CCSER1: variants seen among roughly 807,000 people sequenced by gnomAD.
CCSER1 encodes coiled-coil serine rich protein 1.
In CCSER1, 41 loss-of-function variants were observed where a neutral mutation model predicts 82.0. The observed-to-expected ratio is 0.50, with a 90% CI of 0.39 to 0.65. The LOEUF is 0.65. Among genes scored for constraint, CCSER1 ranks in the 30% least tolerant of loss-of-function variants. CCSER1 has a pLI of 0.00. For missense variants in CCSER1, 1,119 were observed against 1,064.2 expected (o/e 1.05, Z -0.72); for synonymous variants, 414 against 383.9 (o/e 1.08, Z -0.92).
chr4:90,748,108 C>T (rs1315053222), intron 7 of CCSER1, among the ~76,000 whole-genome samples: 3 of 144,368 alleles, frequency 2.1e-5, no homozygotes, highest in Non-Finnish European at 4.5e-5. Context: ...CATATGTATA[C>T]ATGTGCCATG....
chr4:90,845,219 T>C (rs1327500819), intron 8 of CCSER1, among the ~76,000 whole-genome samples: 1 of 151,842 alleles, frequency 6.6e-6, no homozygotes, highest in African/African-American at 2.4e-5. Flanking sequence ...AAAATTAGCC[T>C]GGCGTGGTGA....
At chr4:91,033,059 C>CAAA (rs142784918) in intron 9 of CCSER1, among the ~76,000 whole-genome samples, 4 of 148,940 alleles carry the variant, frequency 2.7e-5, no homozygotes, top group African/African-American at 9.8e-5. Context: ...TACAAATAAA[C>CAAA]AAAAAAAAAA....
At chr4:91,494,481 A>G (rs971546587) in intron 10 of CCSER1, among the ~76,000 whole-genome samples, 1 of 151,786 alleles carries the variant, frequency 6.6e-6, no homozygotes, top group Non-Finnish European at 1.5e-5. Context: ...TATCTGTTCT[A>G]TATTTTGCAT....
At chr4:90,520,599 T>G (rs1478986882) in intron 5 of CCSER1, among the ~76,000 whole-genome samples, 1 of 152,188 alleles carries the variant, frequency 6.6e-6, no homozygotes, top group Non-Finnish European at 1.5e-5. Context: ...TACATATGAA[T>G]GAATTAATCA....
intron 1 of CCSER1, among the ~76,000 whole-genome samples, chr4:90,130,025 A>G (rs1404694515): frequency 6.6e-6 from 1 of 152,216 alleles, no homozygotes; most frequent in Non-Finnish European, 1.5e-5. Flanking sequence ...GCAACTGTTT[A>G]TTATTTTAAA....
chr4:91,150,797 G>A (rs1387051009), intron 10 of CCSER1, among the ~76,000 whole-genome samples: 3 of 152,188 alleles, frequency 2.0e-5, no homozygotes, highest in East Asian at 1.9e-4. Flanking sequence ...TGTTGAACCA[G>A]CCTTGCATCT....
chr4:90,290,006 A>G (rs1034185864), intron 1 of CCSER1, among the ~76,000 whole-genome samples: 1 of 151,852 alleles, frequency 6.6e-6, no homozygotes, highest in Non-Finnish European at 1.5e-5. Flanking sequence ...TTTTATTAAT[A>G]CACATTAGGT....
intron 10 of CCSER1, among the ~76,000 whole-genome samples, chr4:91,495,051 A>C (rs1578614601): frequency 6.6e-6 from 1 of 151,620 alleles, no homozygotes; most frequent in Non-Finnish European, 1.5e-5. Flanking sequence ...AAATGTGGGG[A>C]GTTAAATTAA....
intron 6 of CCSER1, among the ~76,000 whole-genome samples, chr4:90,714,093 G>C (rs1164480332): frequency 4.0e-5 from 6 of 151,884 alleles, no homozygotes; most frequent in Non-Finnish European, 8.8e-5. Flanking sequence ...ATTCCTCTCT[G>C]TGAGTGCCAT....
chr4:90,710,456 GT>G (rs1481332649), intron 6 of CCSER1, among the ~76,000 whole-genome samples: 1 of 152,014 alleles, frequency 6.6e-6, no homozygotes, highest in Non-Finnish European at 1.5e-5. Context: ...AGCTTTTATA[GT>G]TTTGGGTTTT....
chr4:91,007,865 A>G (rs982140544), intron 9 of CCSER1, among the ~76,000 whole-genome samples: 3 of 152,042 alleles, frequency 2.0e-5, no homozygotes, highest in South Asian at 2.1e-4. Context: ...ATTTTTTGAC[A>G]TTGATGCTTG....
At chr4:90,182,752 A>G (rs1277911543) in intron 1 of CCSER1, among the ~76,000 whole-genome samples, 3 of 152,182 alleles carry the variant, frequency 2.0e-5, no homozygotes, top group African/African-American at 7.2e-5. Flanking sequence ...AGTAAATATT[A>G]CACCTAACAC....
intron 7 of CCSER1, among the ~76,000 whole-genome samples, chr4:90,805,991 A>G (rs1757446788): frequency 6.6e-6 from 1 of 152,166 alleles, no homozygotes; most frequent in South Asian, 2.1e-4. Flanking sequence ...CTCATTTGAG[A>G]GTAAGAGTTG....
intron 7 of CCSER1, among the ~76,000 whole-genome samples, chr4:90,793,084 T>A (rs139283169): frequency 6.6e-6 from 1 of 152,300 alleles, no homozygotes; most frequent in Non-Finnish European, 1.5e-5. Flanking sequence ...TAGAAGGTAA[T>A]GGAGATGTGT....
chr4:90,672,604 C>T (rs1733001741), intron 6 of CCSER1, among the ~76,000 whole-genome samples: 1 of 151,896 alleles, frequency 6.6e-6, no homozygotes. Flanking sequence ...TTTTAATTTC[C>T]TTCAGGAATG....
chr4:91,240,267 G>A (rs1243057424), intron 10 of CCSER1, among the ~76,000 whole-genome samples: 1 of 63,844 alleles, frequency 1.6e-5, no homozygotes, highest in African/African-American at 9.4e-5. Flanking sequence ...TAATAGAGAC[G>A]GGGTTTCCCT....
chr4:91,347,943 C>T (rs997003567), intron 10 of CCSER1, among the ~76,000 whole-genome samples: 4 of 151,500 alleles, frequency 2.6e-5, no homozygotes, highest in African/African-American at 4.8e-5. Flanking sequence ...TTTCTTCCTT[C>T]CCAATCTGTC....
intron 1 of CCSER1, among the ~76,000 whole-genome samples, chr4:90,208,161 C>A (rs1739268707): frequency 6.6e-6 from 1 of 152,182 alleles, no homozygotes; most frequent in African/African-American, 2.4e-5. Context: ...AAGTCCCTGA[C>A]TGGGGCTGCT....
chr4:91,388,333 A>G (rs560843979), intron 10 of CCSER1, among the ~76,000 whole-genome samples: 11 of 152,244 alleles, frequency 7.2e-5, no homozygotes, highest in South Asian at 4.1e-4. Flanking sequence ...CCAAAATGGG[A>G]TAATCAAATT....
Sources: allele counts gnomAD v4.1 joint callset (sites outside exome capture counted in the v4.1 genomes callset), GRCh38; gene constraint gnomAD v4.1.1; transcripts MANE v1.5; gene names NCBI Gene and HGNC (gene_info 2026-07-23, HGNC 2026-07-21).